Variants in COPG1 observed in about 807,000 individuals in gnomAD.
COPG1 encodes coat protein complex I subunit gamma 1.
In COPG1, 29 loss-of-function variants were observed where a neutral mutation model predicts 102.8. The observed-to-expected ratio is 0.28, with a 90% CI of 0.21 to 0.38. The LOEUF (loss-of-function observed/expected upper bound fraction) is 0.38. Among genes scored for constraint, COPG1 ranks in the 10% least tolerant of loss-of-function variants. The pLI, the probability that COPG1 is intolerant of heterozygous loss-of-function variation, is 1.00. For synonymous variants in COPG1, 406 were observed against 421.6 expected (o/e 0.96, Z 0.45); for missense variants, 875 against 1,132.7 (o/e 0.77, Z 3.27).
intron 13 of COPG1, 36 bp downstream of exon 13, chr3:129,264,035 C>T (rs764247686): frequency 6.4e-7 from 1 of 1,558,816 alleles, no homozygotes; most frequent in Non-Finnish European, 8.8e-7. Context: ...TGCCAGGTCT[C>T]CTGGTGCAGG....
At chr3:129,250,204 G>T (rs757760854) in intron 1 of COPG1, among the ~76,000 whole-genome samples, 11 of 152,124 alleles carry the variant, frequency 7.2e-5, no homozygotes, top group Non-Finnish European at 1.3e-4. Flanking sequence ...GGTACTGTAC[G>T]GTGTCCTGGA....
chr3:129,262,710 G>C (rs1939949759), intron 12 of COPG1, among the ~76,000 whole-genome samples: 1 of 146,264 alleles, frequency 6.8e-6, no homozygotes, highest in African/African-American at 2.6e-5. Context: ...GTGACAGAGT[G>C]AGACCTTGTC....
intron 10 of COPG1, among the ~76,000 whole-genome samples, chr3:129,259,764 A>G (rs1227536105): frequency 6.6e-6 from 1 of 152,172 alleles, no homozygotes; most frequent in East Asian, 1.9e-4. Flanking sequence ...ATGGTACCCG[A>G]ATGGCTCTCA....
In COPG1 at chr3:129,257,781, G is replaced by A. The variant is rs758197972; in HGVS notation, c.792G>A (p.Glu264=). The part of the protein sequence containing the change: ...FIESCLRNKH[E]MVVYEAASAI... ...AGAGCTGCTTGCGCAACAAGCACGA[G>A]ATGGTGGTGTATGAAGCCGCCTCGG... is the stretch of plus-strand genomic sequence containing the variant. Residue 264 remains glutamate (E), a synonymous_variant, in exon 10 of 24, where the codon GAG becomes GAA. Transcript: ENST00000314797. The A allele has an allele frequency of 2.5e-6, 4 of 1,614,098 alleles. No individual in the cohort carries two copies. Among genetic ancestry groups the A allele is most frequent in the African/African-American group, 1.3e-5 (1 of 74,942 alleles).
chr3:129,264,064 C>T, intron 13 of COPG1, 65 bp downstream of exon 13: 2 of 1,325,350 alleles, frequency 1.5e-6, no homozygotes, highest in Non-Finnish European at 1.1e-6. Context: ...TGACCACTGG[C>T]TCCATGCTCA....
rs1939768707 is a variant in COPG1, at chr3:129,254,661, C to T, written c.324-7C>T. The T allele has an allele frequency of 6.2e-7, 1 of 1,613,298 alleles. No homozygotes were observed. Among genetic ancestry groups the T allele is most frequent in the South Asian group, 1.1e-5 (1 of 91,048 alleles). On this transcript the variant is annotated splice_region_variant and splice_polypyrimidine_tract_variant and intron_variant, in intron 5 of 23. Coordinates refer to ENST00000314797, the MANE Select transcript of COPG1 (RefSeq NM_016128.4). ...TCTGCATGCTGACAATGCCTTCTTC[C>T]CTGCAGCCTAACAAAAGACATGACT...
chr3:129,249,964 G>A (rs112877507), intron 1 of COPG1, among the ~76,000 whole-genome samples: 11,620 of 137,382 alleles, frequency 0.085, 524 homozygotes, highest in Middle Eastern at 0.2. Flanking sequence ...GACCTTGGGC[G>A]CGACAAACAC....
Position 129,271,732 on chromosome 3 carries a change from C to G in COPG1, c.1844-35C>G, listed in dbSNP as rs746470332. 1 of 1,609,716 alleles carries G rather than the reference C, an allele frequency of 6.2e-7. No individual in the cohort carries two copies. The highest frequency in any genetic ancestry group is 8.5e-7 in the Non-Finnish European group (1 of 1,177,580). On this transcript the variant is annotated intron_variant, in intron 18 of 23. Transcript: ENST00000314797. This position sits in a 1 kb window ranked among gnomAD's most constrained non-coding sequence, Gnocchi z 4.7. ...ACCATCAACAAGTTGGTCTGGGGAT[C>G]GAGAAGCTGAGTGAATGTGGCCTGT...
intron 21 of COPG1, 62 bp downstream of exon 21, chr3:129,272,966 G>T: frequency 1.2e-6 from 1 of 868,356 alleles, no homozygotes; most frequent in Non-Finnish European, 1.9e-6. Flanking sequence ...CTCCCTTCAG[G>T]AACTGACAGT....
intron 8 of COPG1, among the ~76,000 whole-genome samples, chr3:129,257,006 T>A (rs1197607905): frequency 6.6e-6 from 1 of 152,208 alleles, no homozygotes. Context: ...TTTGGGCAAG[T>A]CAGCAAAGAT....
chr3:129,277,453 C>T lies in COPG1; in HGVS notation c.*29C>T, dbSNP rs771836988. On this transcript the variant is annotated 3_prime_UTR_variant, in exon 24 of 24. Coordinates refer to ENST00000314797, the MANE Select transcript of COPG1 (RefSeq NM_016128.4). ...GCCAGCCTGCATAGGACCTCATACC[C>T]TTCCCCAACACTACCTGGAAGTTGT... 1.2e-5 allele frequency: 20 copies of T among 1,610,212 alleles called. No individual in the cohort carries two copies. Among genetic ancestry groups the T allele is most frequent in the Non-Finnish European group, 1.5e-5 (18 of 1,177,608 alleles).
chr3:129,268,073 A>T, intron 16 of COPG1, 33 bp downstream of exon 16: 1 of 1,523,596 alleles, frequency 6.6e-7, no homozygotes, highest in Non-Finnish European at 9.1e-7. Context: ...TGGACTCAGC[A>T]CCTTACTGGA....
chr3:129,274,408 GGTTTCTGCTA>G (rs1017041847), intron 21 of COPG1, among the ~76,000 whole-genome samples: 1 of 152,118 alleles, frequency 6.6e-6, no homozygotes, highest in African/African-American at 2.4e-5. Context: ...TGGGGTAGGA[GGTTTCTGCTA>G]GTTTCTGCTG....
intron 10 of COPG1, among the ~76,000 whole-genome samples, 185 bp downstream of exon 10, chr3:129,258,045 C>A (rs1939851584): frequency 6.6e-6 from 1 of 152,228 alleles, no homozygotes; most frequent in South Asian, 2.1e-4. Context: ...TGGTGGGCTG[C>A]TGTTAGTTCC....
intron 14 of COPG1, 80 bp downstream of exon 14, chr3:129,265,872 G>T: frequency 7.1e-7 from 1 of 1,407,578 alleles, no homozygotes; most frequent in South Asian, 1.3e-5. Context: ...TGAGCCTCCA[G>T]TGGGGATTTG....
chr3:129,250,909 CTTCTTT>C, intron 2 of COPG1, 175 bp downstream of exon 2: 2 of 220,690 alleles, frequency 9.1e-6, no homozygotes, highest in East Asian at 1.5e-4. Context: ...GTTATGCTTA[CTTCTTT>C]TTTTTTTTTT....
At chr3:129,257,340 C>T in intron 8 of COPG1, 130 bp from the exon 9 acceptor site, 4 of 919,832 alleles carry the variant, frequency 4.3e-6, no homozygotes, top group Non-Finnish European at 5.2e-6. Context: ...GTTGTCACAG[C>T]CACTCTGTGT....
chr3:129,264,949 G>A (rs979813895), intron 13 of COPG1, among the ~76,000 whole-genome samples: 1 of 151,662 alleles, frequency 6.6e-6, no homozygotes, highest in African/African-American at 2.4e-5. Flanking sequence ...AGCCTCCCGA[G>A]TACCTAGGAC....
At chr3:129,262,533 G>A (rs941456403) in intron 12 of COPG1, among the ~76,000 whole-genome samples, 26 of 151,996 alleles carry the variant, frequency 1.7e-4, no homozygotes, top group Admixed American at 3.9e-4. Flanking sequence ...GATTACAGAC[G>A]TGAGCCACCG....
Sources: allele counts gnomAD v4.1 joint callset (sites outside exome capture counted in the v4.1 genomes callset), GRCh38; gene constraint gnomAD v4.1.1; non-coding constraint Gnocchi (gnomAD v3.1); transcripts MANE v1.5; gene names NCBI Gene and HGNC (gene_info 2026-07-23, HGNC 2026-07-21).